MGMT: variants seen among roughly 807,000 people sequenced by gnomAD.
MGMT encodes the protein methylated-DNA--protein-cysteine methyltransferase.
Under a neutral mutation model 15.9 loss-of-function variants are expected in MGMT, and 14 were observed. That is an observed-to-expected ratio of 0.88 (90% CI 0.58 to 1.37). The LOEUF is 1.37. Among genes scored for constraint, MGMT ranks in the 40% most tolerant of loss-of-function variants. The probability of loss-of-function intolerance (pLI) is 0.00; values close to 1 mark genes in which losing one functional copy is unlikely to be tolerated. For synonymous variants in MGMT, 130 were observed against 118.2 expected, an observed-to-expected ratio of 1.10 and a Z score of -0.65; for missense variants, 282 against 268.1, an observed-to-expected ratio of 1.05 and a Z score of -0.36.
At chr10:129,547,451 CTT>C (rs1434287114) in intron 2 of MGMT, among the ~76,000 whole-genome samples, 1 of 152,296 alleles carries the variant, frequency 6.6e-6, no homozygotes, top group East Asian at 1.9e-4. Context: ...GACTGTATGA[CTT>C]CAGTACACCT....
At chr10:129,531,866 C>G (rs911227256) in intron 1 of MGMT, among the ~76,000 whole-genome samples, 12 of 152,044 alleles carry the variant, frequency 7.9e-5, no homozygotes, top group African/African-American at 2.9e-4. Context: ...TTATTTTGAT[C>G]CTATTTAGGT....
intron 2 of MGMT, among the ~76,000 whole-genome samples, chr10:129,552,259 G>A (rs887855360): frequency 7.2e-5 from 11 of 152,168 alleles, no homozygotes; most frequent in African/African-American, 2.4e-5. Context: ...CCACTGGGCC[G>A]TGACTGTGGC....
chr10:129,768,460 C>T lies in MGMT; in HGVS notation c.*1463C>T, dbSNP rs1328945868. Among the ~76,000 whole-genome samples, 1 of 152,222 alleles carries T rather than the reference C, an allele frequency of 6.6e-6. No individual in the cohort carries two copies. The highest frequency in any genetic ancestry group is 1.5e-5 in the Non-Finnish European group (1 of 68,032). On this transcript the variant is annotated 3_prime_UTR_variant, in exon 5 of 5. Coordinates refer to ENST00000651593, the MANE Select transcript of MGMT (RefSeq NM_002412.5). ...CTCCTGGCAGGCCTCAGGTGCCGCA[C>T]GCCGCGTCACCGTCAGGACTCGCAG...
intron 3 of MGMT, among the ~76,000 whole-genome samples, chr10:129,731,357 T>G (rs997772784): frequency 1.6e-5 from 1 of 64,336 alleles, no homozygotes; most frequent in Non-Finnish European, 3.2e-5. Flanking sequence ...AACCTAAGAC[T>G]TTTTTTTTTT....
At chr10:129,666,845 G>A (rs1847664763) in intron 2 of MGMT, among the ~76,000 whole-genome samples, 1 of 152,194 alleles carries the variant, frequency 6.6e-6, no homozygotes, top group African/African-American at 2.4e-5. Context: ...AATGTTTGCT[G>A]CTTATGAAAC....
chr10:129,543,032 A>G (rs1289807721), intron 2 of MGMT, among the ~76,000 whole-genome samples: 3 of 152,178 alleles, frequency 2.0e-5, no homozygotes, highest in South Asian at 2.1e-4. Context: ...GTTGATGGCT[A>G]AAAAGACAAG....
intron 3 of MGMT, among the ~76,000 whole-genome samples, chr10:129,709,510 G>A (rs189797522): frequency 1.4e-3 from 213 of 152,300 alleles, no homozygotes; most frequent in African/African-American, 5.0e-3. Flanking sequence ...CCTGCCAGGA[G>A]GAGCAAGGCT....
rs74607799 is a variant in MGMT, at chr10:129,521,794, C to T, written c.-12-14447C>T. Among the ~76,000 whole-genome samples, 583 of 152,352 alleles carry T rather than the reference C, an allele frequency of 3.8e-3. 3 individuals are homozygous for T. The highest frequency in any genetic ancestry group is 7.0e-3 in the Non-Finnish European group (476 of 68,034). ...CGAGGCCGAGGCTGCACCTTGCTGT[C>T]CAGGGGGCCGCAGCTGAGGCCTGTG... On this transcript the variant is annotated intron_variant, in intron 1 of 4. Coordinates refer to ENST00000651593, the MANE Select transcript of MGMT (RefSeq NM_002412.5).
chr10:129,747,070 T>C (rs1170048770), intron 3 of MGMT, among the ~76,000 whole-genome samples: 2 of 152,190 alleles, frequency 1.3e-5, no homozygotes, highest in Admixed American at 6.5e-5. Context: ...TACATCTAAG[T>C]ATTTTATTTG....
chr10:129,592,709 G>T (rs1589883805), intron 2 of MGMT, among the ~76,000 whole-genome samples: 2 of 152,104 alleles, frequency 1.3e-5, no homozygotes, highest in East Asian at 3.9e-4. Context: ...CAGACTGAAG[G>T]CAGAAGCAGC....
intron 2 of MGMT, among the ~76,000 whole-genome samples, chr10:129,641,629 T>G (rs1296318560): frequency 1.3e-5 from 2 of 152,240 alleles, no homozygotes; most frequent in Non-Finnish European, 2.9e-5. Context: ...AAGGTAGTTT[T>G]CACCTTTGTG....
chr10:129,759,317 G>T lies in MGMT; in HGVS notation c.390G>T (p.Val130=). The stretch of plus-strand genomic sequence containing the variant: ...GCAACCCCAAAGCCGCGCGAGCAGT[G>T]GGAGGAGCAATGAGAGGCAATCCTG... ...LAGNPKAARA[V]GGAMRGNPVP... The change falls in exon 4 of 5, where the codon GTG becomes GTT. Residue 130 remains valine, a synonymous_variant. Transcript: ENST00000651593. The T allele has an allele frequency of 1.2e-6, 2 of 1,614,180 alleles. No homozygotes were observed. Among genetic ancestry groups the T allele is most frequent in the Non-Finnish European group, 1.7e-6 (2 of 1,180,036 alleles).
intron 2 of MGMT, among the ~76,000 whole-genome samples, chr10:129,573,621 T>C (rs1373160718): frequency 6.6e-6 from 1 of 152,218 alleles, no homozygotes; most frequent in Non-Finnish European, 1.5e-5. Flanking sequence ...TGTTTTAATT[T>C]AAAGAGTCTT....
intron 3 of MGMT, among the ~76,000 whole-genome samples, chr10:129,733,703 T>G (rs937189075): frequency 2.0e-4 from 30 of 152,120 alleles, no homozygotes; most frequent in Non-Finnish European, 3.5e-4. Context: ...GTCTAACGTT[T>G]AAGTCTTTAA....
intron 1 of MGMT, among the ~76,000 whole-genome samples, chr10:129,513,850 T>C (rs1845710098): frequency 6.6e-6 from 1 of 152,248 alleles, no homozygotes; most frequent in African/African-American, 2.4e-5. Context: ...ACAGTCAGTG[T>C]GCAGTAAGTC....
chr10:129,475,350 G>C (rs1357999695), intron 1 of MGMT, among the ~76,000 whole-genome samples: 4 of 152,150 alleles, frequency 2.6e-5, no homozygotes, highest in African/African-American at 9.7e-5. Context: ...TCTGGGTGAT[G>C]GGGGATCAGA....
chr10:129,582,161 G>A (rs892329826), intron 2 of MGMT, among the ~76,000 whole-genome samples: 4 of 152,226 alleles, frequency 2.6e-5, no homozygotes, highest in African/African-American at 9.6e-5. Flanking sequence ...TTTCCAGGGT[G>A]GTGGGAAGCA....
At chr10:129,515,735 G>A (rs763941992) in intron 1 of MGMT, among the ~76,000 whole-genome samples, 2 of 152,156 alleles carry the variant, frequency 1.3e-5, no homozygotes, top group Admixed American at 6.5e-5. Flanking sequence ...GAAAGCTAGC[G>A]TGGCCTGCAT....
intron 2 of MGMT, among the ~76,000 whole-genome samples, chr10:129,633,323 A>G (rs1484548432): frequency 2.0e-5 from 3 of 152,236 alleles, no homozygotes; most frequent in African/African-American, 7.2e-5. Flanking sequence ...AAACCGAGTC[A>G]GCATCTAATG....
Sources: allele counts gnomAD v4.1 joint callset (sites outside exome capture counted in the v4.1 genomes callset), GRCh38; gene constraint gnomAD v4.1.1; transcripts MANE v1.5; gene names NCBI Gene and HGNC (gene_info 2026-07-23, HGNC 2026-07-21).